LRP1B: variants seen among roughly 807,000 people sequenced by gnomAD.
LRP1B encodes low-density lipoprotein receptor-related protein 1B.
In LRP1B, 217 loss-of-function variants were observed where a neutral mutation model predicts 556.6. The ratio of observed to expected loss-of-function variants is 0.39; its 90% CI spans 0.35 to 0.44. The LOEUF (loss-of-function observed/expected upper bound fraction) is 0.44, where lower values mean the gene tolerates loss of function less well. Among genes scored for constraint, LRP1B ranks in the 20% least tolerant of loss-of-function variants. The probability of loss-of-function intolerance (pLI) is 1.00; values close to 1 mark genes in which losing one functional copy is unlikely to be tolerated. For synonymous variants in LRP1B, 2,047 were observed against 1,865.8 expected (o/e 1.10, Z -2.50); for missense variants, 5,053 against 5,620.8 (o/e 0.90, Z 3.23).
chr2:141,155,210 C>G (rs1702034896), intron 7 of LRP1B, among the ~76,000 whole-genome samples: 2 of 151,704 alleles, frequency 1.3e-5, no homozygotes, highest in South Asian at 4.1e-4. Context: ...AAATATCTTA[C>G]TTAATAACCT....
At chr2:140,743,997 A>C in intron 35 of LRP1B, among the ~76,000 whole-genome samples, 1 of 141,620 alleles carries the variant, frequency 7.1e-6, no homozygotes, top group Non-Finnish European at 1.6e-5. Flanking sequence ...AAAAAGTAAA[A>C]AGTAAAATCC....
intron 77 of LRP1B, among the ~76,000 whole-genome samples, chr2:140,337,670 T>G: frequency 6.6e-6 from 1 of 151,862 alleles, no homozygotes; most frequent in South Asian, 2.1e-4. Flanking sequence ...CAAACCTTTA[T>G]GACATAAAAC....
chr2:140,301,739 G>A (rs896837389), intron 83 of LRP1B, among the ~76,000 whole-genome samples: 2 of 151,292 alleles, frequency 1.3e-5, no homozygotes, highest in Non-Finnish European at 3.0e-5. Context: ...GTGTAGTGTT[G>A]CTTATATATA....
intron 3 of LRP1B, among the ~76,000 whole-genome samples, chr2:141,354,496 C>A (rs1688555095): frequency 1.3e-5 from 2 of 152,076 alleles, no homozygotes; most frequent in South Asian, 2.1e-4. Flanking sequence ...TCAAAGAGAA[C>A]CATTAATTAA....
chr2:140,509,007 C>T (rs1689534633), intron 52 of LRP1B, among the ~76,000 whole-genome samples: 1 of 151,672 alleles, frequency 6.6e-6, no homozygotes, highest in Admixed American at 6.6e-5. Flanking sequence ...ATAGGTCTGC[C>T]TCGAAGTTTT....
intron 2 of LRP1B, among the ~76,000 whole-genome samples, chr2:141,689,173 C>T (rs1050616003): frequency 4.0e-5 from 6 of 151,814 alleles, no homozygotes; most frequent in Non-Finnish European, 4.4e-5. Flanking sequence ...ATTAGCATGT[C>T]TTGTACAAAT....
At chr2:142,077,001 G>A (rs187799567) in intron 1 of LRP1B, among the ~76,000 whole-genome samples, 44 of 152,038 alleles carry the variant, frequency 2.9e-4, no homozygotes, top group Admixed American at 6.6e-4. Flanking sequence ...TCTGATAACC[G>A]TCTACCCTAC....
At chr2:141,273,940 G>A (rs564655150) in intron 3 of LRP1B, among the ~76,000 whole-genome samples, 1 of 152,320 alleles carries the variant, frequency 6.6e-6, no homozygotes, top group African/African-American at 2.4e-5. Flanking sequence ...TTACACAAAT[G>A]TCCAATAAAC....
intron 2 of LRP1B, among the ~76,000 whole-genome samples, chr2:141,730,800 C>T (rs531214471): frequency 3.5e-4 from 54 of 152,268 alleles, no homozygotes; most frequent in African/African-American, 1.3e-3. Context: ...GTGATCTAAG[C>T]TGAAATCCAT....
intron 60 of LRP1B, among the ~76,000 whole-genome samples, chr2:140,468,493 C>T (rs1419264246): frequency 2.0e-5 from 3 of 152,074 alleles, no homozygotes; most frequent in Admixed American, 1.3e-4. Flanking sequence ...CCAAGCAGAG[C>T]TGTGGGGGTG....
rs539283446 is a variant in LRP1B at position 140,546,987 on chromosome 2, C to A, written c.7195-5016G>T. On this transcript the variant is annotated intron_variant, in intron 43 of 90. Transcript: ENST00000389484. ...ATTTGCATATGTTGAACCAAGCTTGCATCCGAGGGATAAAGCCTACTTGAT... is the reference window on the plus strand; with the variant it reads ...ATTTGCATATGTTGAACCAAGCTTGAATCCGAGGGATAAAGCCTACTTGAT... Among the ~76,000 whole-genome samples the A allele has an allele frequency of 2.6e-5, 4 of 152,258 alleles. No individual in the cohort carries two copies. The East Asian group carries it at 7.7e-4, about 29-fold the overall frequency.
intron 7 of LRP1B, among the ~76,000 whole-genome samples, chr2:141,122,258 A>G (rs1431176016): frequency 2.0e-5 from 3 of 152,154 alleles, no homozygotes; most frequent in African/African-American, 7.2e-5. Context: ...AGTGGGATCT[A>G]ATTAAACTAA....
At chr2:140,563,643 T>G (rs1471831437) in intron 43 of LRP1B, among the ~76,000 whole-genome samples, 1 of 152,102 alleles carries the variant, frequency 6.6e-6, no homozygotes, top group African/African-American at 2.4e-5. Flanking sequence ...ATGAGAAAAT[T>G]GATTCATCAT....
At chr2:141,146,028 G>A (rs1267659622) in intron 7 of LRP1B, among the ~76,000 whole-genome samples, 1 of 145,058 alleles carries the variant, frequency 6.9e-6, no homozygotes, top group Non-Finnish European at 1.5e-5. Flanking sequence ...AAGTTCAAGC[G>A]ATTCTCCTGC....
intron 7 of LRP1B, among the ~76,000 whole-genome samples, chr2:141,105,568 A>C (rs1700583406): frequency 6.6e-6 from 1 of 152,162 alleles, no homozygotes; most frequent in African/African-American, 2.4e-5. Flanking sequence ...ACATGTTCAA[A>C]AAAGCTGAGG....
chr2:141,108,860 G>A (rs1700678302), intron 7 of LRP1B, among the ~76,000 whole-genome samples: 1 of 152,096 alleles, frequency 6.6e-6, no homozygotes, highest in South Asian at 2.1e-4. Flanking sequence ...ATATTTAGTT[G>A]ATAGTTTAAA....
chr2:141,931,720 G>C (rs1574503535), intron 1 of LRP1B, among the ~76,000 whole-genome samples: 2 of 151,930 alleles, frequency 1.3e-5, no homozygotes, highest in African/African-American at 4.8e-5. Flanking sequence ...AAAAGAATGG[G>C]AATTTGATTT....
intron 2 of LRP1B, among the ~76,000 whole-genome samples, chr2:141,708,935 A>G (rs1692252742): frequency 6.6e-6 from 1 of 152,166 alleles, no homozygotes; most frequent in Admixed American, 6.6e-5. Context: ...TCCAGCCCCT[A>G]GACTTGTGAG....
chr2:141,895,827 T>C (rs1699434450), intron 1 of LRP1B, among the ~76,000 whole-genome samples: 1 of 152,218 alleles, frequency 6.6e-6, no homozygotes, highest in African/African-American at 2.4e-5. Flanking sequence ...CTTTGGTTTT[T>C]TTCTTTCTTT....
Sources: gnomAD v4.1 joint callset for allele counts (sites outside exome capture counted in the v4.1 genomes callset) on GRCh38, gnomAD v4.1.1 for gene constraint, MANE v1.5 for transcripts, NCBI Gene and HGNC (gene_info 2026-07-23, HGNC 2026-07-21) for gene names.